The following CDC23 variants were observed in gnomAD, a reference collection of about 807,000 sequenced individuals.
CDC23 encodes cell division cycle 23, also known as cell division cycle protein 23 homolog.
CDC23 carries 26 observed loss-of-function variants against 81.7 expected under a neutral mutation model. That is an observed-to-expected ratio of 0.32 (90% CI 0.23 to 0.44). CDC23 has a LOEUF of 0.44. CDC23 is among the 20% of genes least tolerant of loss of function. CDC23 has a pLI of 1.00. For missense variants in CDC23, 519 were observed against 728.0 expected, an observed-to-expected ratio of 0.71 and a Z score of 3.30; for synonymous variants, 267 against 270.8, an observed-to-expected ratio of 0.99 and a Z score of 0.14.
chr5:138,187,741 T>C lies in CDC23; in HGVS notation c.*1237A>G, dbSNP rs2864. Reference sequence around the variant, plus strand: ...CAGAAAAATTAAGAATCAAACATCATTCTGGACCATGGGAACCTTGAAAAG... The same window carrying C: ...CAGAAAAATTAAGAATCAAACATCACTCTGGACCATGGGAACCTTGAAAAG... On this transcript the variant is annotated 3_prime_UTR_variant, in exon 16 of 16. Coordinates refer to ENST00000394886, the MANE Select transcript of CDC23 (RefSeq NM_004661.4). 0.32 allele frequency: 77,407 copies of C among 239,498 alleles called. 13,856 individuals carry two copies. The highest frequency in any genetic ancestry group is 0.45 in the South Asian group (8,202 of 18,416). 14.8% of individuals were successfully genotyped at this position (239,498 alleles called of 1,614,324 possible).
chr5:138,198,880 C>G (rs1240868933), intron 6 of CDC23, 98 bp from the exon 7 acceptor site: 2 of 1,283,954 alleles, frequency 1.6e-6, no homozygotes, highest in Non-Finnish European at 2.1e-6. Flanking sequence ...GAATTTATCA[C>G]TAAAATTTTA....
intron 3 of CDC23, among the ~76,000 whole-genome samples, chr5:138,205,525 G>C (rs914973121): frequency 1.2e-4 from 18 of 151,894 alleles, no homozygotes; most frequent in African/African-American, 4.4e-4. Context: ...GTTGCCAAGG[G>C]GTCCACCTTG....
In CDC23 at chr5:138,198,480, T is replaced by A. The variant is rs1374996993; in HGVS notation, c.876A>T (p.Gln292His). 2 of 1,614,078 alleles carry A rather than the reference T, an allele frequency of 1.2e-6. No individual in the cohort carries two copies. Among genetic ancestry groups the A allele is most frequent in the African/African-American group, 2.7e-5 (2 of 74,934 alleles). Residue 292 changes from glutamine to histidine, a missense_variant, in exon 8 of 16, where the codon CAA (glutamine) becomes CAT (histidine). By Grantham distance (24) the Gln-to-His change is conservative. Coordinates refer to ENST00000394886, the MANE Select transcript of CDC23 (RefSeq NM_004661.4). ...ALSIFNELRK[Q>H]DPYRIENMDT... ...CCATATTTTCAATCCTGTAAGGGTC[T>A]TGTTTCCTTAGCTCATTAAAAATGG...
chr5:138,202,083 G>A, intron 4 of CDC23, 30 bp downstream of exon 4: 1 of 1,577,696 alleles, frequency 6.3e-7, no homozygotes, highest in Non-Finnish European at 8.7e-7. Flanking sequence ...CTGCTTTTTA[G>A]GTCAAAAGGT....
chr5:138,191,739 T>C (rs959804412), intron 12 of CDC23, 123 bp downstream of exon 12: 6 of 966,958 alleles, frequency 6.2e-6, no homozygotes, highest in Admixed American at 1.9e-5. Context: ...TATGTATCTA[T>C]AAATATTCAG....
chr5:138,195,844 T>C (rs1332486009), intron 9 of CDC23, among the ~76,000 whole-genome samples: 2 of 134,176 alleles, frequency 1.5e-5, no homozygotes, highest in African/African-American at 5.6e-5. Context: ...TACATATATA[T>C]ATAAAATAAA....
chr5:138,210,007 A>G (rs975985525), intron 2 of CDC23, among the ~76,000 whole-genome samples: 1 of 152,000 alleles, frequency 6.6e-6, no homozygotes, highest in Non-Finnish European at 1.5e-5. Flanking sequence ...TGAGGTCAGG[A>G]GTTCGAGACC....
chr5:138,200,660 A>G (rs1754977546), intron 6 of CDC23, among the ~76,000 whole-genome samples: 1 of 152,042 alleles, frequency 6.6e-6, no homozygotes, highest in Non-Finnish European at 1.5e-5. Context: ...TCTCTACTAA[A>G]AATACAAAAA....
rs752323349 is a variant in CDC23, at chr5:138,192,581, C to A, written c.1089G>T (p.Arg363=). The change falls in exon 10 of 16, where the codon CGG becomes CGT. Residue 363 remains arginine, a synonymous_variant. Coordinates refer to ENST00000394886, the MANE Select transcript of CDC23 (RefSeq NM_004661.4). ...YFQRALKLNP[R]YLGAWTLMGH... ...CCATTAGTGTCCAGGCACCAAGATA[C>A]CGAGGATTTAATTTCAGGGCTCTCT... The A allele has an allele frequency of 3.7e-6, 6 of 1,614,090 alleles. No individual in the cohort carries two copies. Among genetic ancestry groups the A allele is most frequent in the Non-Finnish European group, 5.1e-6 (6 of 1,179,992 alleles).
intron 11 of CDC23, 100 bp downstream of exon 11, chr5:138,192,169 C>T (rs2126579381): frequency 6.8e-7 from 1 of 1,475,448 alleles, no homozygotes; most frequent in Admixed American, 2.0e-5. Flanking sequence ...TCCCCAAGAG[C>T]CAAAACCATC....
chr5:138,191,861 C>T lies in CDC23; in HGVS notation c.1362+1G>A. 6.2e-7 allele frequency: 1 copy of T among 1,612,350 alleles called. No homozygotes were observed. Among genetic ancestry groups the T allele is most frequent in the Non-Finnish European group, 8.5e-7 (1 of 1,178,378 alleles). On this transcript the variant is annotated splice_donor_variant, in intron 12 of 15. Coordinates refer to ENST00000394886, the MANE Select transcript of CDC23 (RefSeq NM_004661.4). LOFTEE classifies it high-confidence loss of function. ...ATTCTTCAGGACCCAATTTAAGGTA[C>T]CTTTTTGGCTTCCACTAGTTGATTG... is the stretch of plus-strand genomic sequence containing the variant.
Position 138,187,829 on chromosome 5 carries a change from ATTCAAGTCGTATTAGATATTCTAAACC to A in CDC23, c.*1122_*1148del, listed in dbSNP as rs1754772460. ...CCTGAGAAGGCTTAGTAACAAATGA[ATTCAAGTCGTATTAGATATTCTAAACC>A]TTCCTTAATATAAGATGAAGTGTCA... On this transcript the variant is annotated 3_prime_UTR_variant, in exon 16 of 16. Transcript: ENST00000394886. The A allele has an allele frequency of 6.0e-6, 1 of 166,140 alleles. No individual in the cohort carries two copies. Among genetic ancestry groups the A allele is most frequent in the Non-Finnish European group, 1.3e-5 (1 of 75,536 alleles). 10.3% of individuals were successfully genotyped at this position (166,140 alleles called of 1,614,324 possible).
At chr5:138,203,401 G>T (rs975944847) in intron 3 of CDC23, among the ~76,000 whole-genome samples, 1 of 151,784 alleles carries the variant, frequency 6.6e-6, no homozygotes, top group African/African-American at 2.4e-5. Flanking sequence ...ATTTTGCTGT[G>T]AATCTAAAAC....
intron 9 of CDC23, among the ~76,000 whole-genome samples, chr5:138,195,758 CATATATTATATATGTGTATATATACAT>C (rs1561634179): frequency 9.1e-6 from 1 of 109,504 alleles, no homozygotes; most frequent in East Asian, 2.3e-4. Context: ...TATATATATA[CATATATTATATATGTGTATATATACAT>C]ATATTTTATA....
intron 4 of CDC23, among the ~76,000 whole-genome samples, chr5:138,201,741 C>T (rs993612662): frequency 6.6e-6 from 1 of 152,154 alleles, no homozygotes; most frequent in Non-Finnish European, 1.5e-5. Context: ...CTTACACAAC[C>T]CATTTACTGT....
chr5:138,200,948 A>C (rs1754982188), intron 6 of CDC23, 159 bp downstream of exon 6: 2 of 687,192 alleles, frequency 2.9e-6, no homozygotes, highest in Non-Finnish European at 4.8e-6. Context: ...CAGTCTTTCA[A>C]ACAAAGACTT....
intron 3 of CDC23, among the ~76,000 whole-genome samples, chr5:138,202,484 A>T (rs985895265): frequency 1.7e-4 from 26 of 152,164 alleles, no homozygotes; most frequent in African/African-American, 6.0e-4. Flanking sequence ...AGGTTTCATC[A>T]TGCTGGTCAG....
At position 138,198,536 on chromosome 5, in the gene CDC23, GA is replaced by G. The variant is rs1754944853; in HGVS notation, c.833-14del. The G allele has an allele frequency of 6.2e-7, 1 of 1,613,234 alleles. No individual in the cohort carries two copies. Among genetic ancestry groups the G allele is most frequent in the African/African-American group, 1.3e-5 (1 of 74,914 alleles). ...GCTTTGTCAATATCTGCAGAAAGAA[GA>G]TAGTTCAGAAAACAGCACAATGCAC... On this transcript the variant is annotated splice_polypyrimidine_tract_variant and intron_variant, in intron 7 of 15. Coordinates refer to ENST00000394886, the MANE Select transcript of CDC23 (RefSeq NM_004661.4).
At chr5:138,193,733 C>T (rs143047859) in intron 9 of CDC23, among the ~76,000 whole-genome samples, 221 of 151,694 alleles carry the variant, frequency 1.5e-3, no homozygotes, top group African/African-American at 4.6e-3. Flanking sequence ...CTAAGGCGGG[C>T]GGATCACCTG....
Sources: allele counts gnomAD v4.1 joint callset (sites outside exome capture counted in the v4.1 genomes callset), GRCh38; gene constraint gnomAD v4.1.1; transcripts MANE v1.5; gene names NCBI Gene and HGNC (gene_info 2026-07-23, HGNC 2026-07-21).